SLC8A1: variants seen among roughly 807,000 people sequenced by gnomAD.
The protein encoded by SLC8A1 is sodium/calcium exchanger 1.
In SLC8A1, 18 loss-of-function variants were observed where a neutral mutation model predicts 68.3. That is an observed-to-expected ratio of 0.26 (90% CI 0.18 to 0.39). The LOEUF is 0.39. SLC8A1 is among the 10% of genes least tolerant of loss of function. SLC8A1 has a pLI of 1.00. For synonymous variants in SLC8A1, 475 were observed against 415.5 expected, an observed-to-expected ratio of 1.14 and a Z score of -1.74; for missense variants, 985 against 1,156.7, an observed-to-expected ratio of 0.85 and a Z score of 2.15.
intron 2 of SLC8A1, among the ~76,000 whole-genome samples, chr2:40,272,657 G>A (rs73926147): frequency 0.022 from 3,333 of 152,336 alleles, 131 homozygotes; most frequent in African/African-American, 0.076. Context: ...CACACAGTTC[G>A]AGTTCCCAGG....
At chr2:40,475,522 T>C (rs1704238386) in intron 1 of SLC8A1, among the ~76,000 whole-genome samples, 1 of 152,138 alleles carries the variant, frequency 6.6e-6, no homozygotes, top group South Asian at 2.1e-4. Context: ...ACTGAGGATT[T>C]ATTAAATATT....
intron 2 of SLC8A1, among the ~76,000 whole-genome samples, chr2:40,363,543 T>C (rs1559393602): frequency 6.6e-6 from 1 of 152,138 alleles, no homozygotes; most frequent in Non-Finnish European, 1.5e-5. Flanking sequence ...ATCATTATTA[T>C]TAAATCCCAA....
At chr2:40,287,412 G>T (rs1250697793) in intron 2 of SLC8A1, among the ~76,000 whole-genome samples, 2 of 152,008 alleles carry the variant, frequency 1.3e-5, no homozygotes, top group Non-Finnish European at 2.9e-5. Flanking sequence ...ACTCACAGAA[G>T]CTGACATTAT....
At chr2:40,465,964 T>C (rs1468954475) in intron 1 of SLC8A1, among the ~76,000 whole-genome samples, 3 of 152,126 alleles carry the variant, frequency 2.0e-5, no homozygotes, top group Non-Finnish European at 4.4e-5. Context: ...ACAGTATTTG[T>C]CTTCTCTTGC....
intron 2 of SLC8A1, among the ~76,000 whole-genome samples, chr2:40,364,566 T>A (rs1279649203): frequency 6.6e-6 from 1 of 152,062 alleles, no homozygotes; most frequent in Non-Finnish European, 1.5e-5. Flanking sequence ...TCACATGTCT[T>A]CACAAAATAC....
intron 2 of SLC8A1, among the ~76,000 whole-genome samples, chr2:40,406,175 G>A (rs764399141): frequency 8.5e-5 from 13 of 152,156 alleles, no homozygotes; most frequent in South Asian, 4.2e-4. Flanking sequence ...TTTAAATTCC[G>A]CATTTTCTCA....
At chr2:40,390,721 C>A (rs967249639) in intron 2 of SLC8A1, among the ~76,000 whole-genome samples, 3 of 152,036 alleles carry the variant, frequency 2.0e-5, no homozygotes, top group Non-Finnish European at 4.4e-5. Flanking sequence ...TTTTTAACAA[C>A]CCGATATGTA....
At chr2:40,119,129 T>C (rs985546073) in intron 7 of SLC8A1, among the ~76,000 whole-genome samples, 41 of 152,182 alleles carry the variant, frequency 2.7e-4, no homozygotes. Flanking sequence ...AATGTGAATG[T>C]TGCATAAGGA....
chr2:40,280,934 G>T (rs1193866610), intron 2 of SLC8A1, among the ~76,000 whole-genome samples: 1 of 152,216 alleles, frequency 6.6e-6, no homozygotes, highest in Non-Finnish European at 1.5e-5. Flanking sequence ...TCAGCACGTT[G>T]TCTGTACTTC....
intron 2 of SLC8A1, among the ~76,000 whole-genome samples, chr2:40,287,138 T>A (rs911820767): frequency 6.6e-6 from 1 of 152,156 alleles, no homozygotes; most frequent in South Asian, 2.1e-4. Flanking sequence ...ACTAAAAAAA[T>A]ATGTAAGACT....
intron 7 of SLC8A1, among the ~76,000 whole-genome samples, chr2:40,124,837 A>G (rs1299519701): frequency 6.6e-6 from 1 of 152,266 alleles, no homozygotes; most frequent in Non-Finnish European, 1.5e-5. Context: ...AACATTCATG[A>G]CACACTGCTT....
intron 2 of SLC8A1, among the ~76,000 whole-genome samples, chr2:40,212,090 G>T (rs1351108549): frequency 6.6e-6 from 1 of 151,914 alleles, no homozygotes; most frequent in Non-Finnish European, 1.5e-5. Context: ...AATCCATAAA[G>T]ATTTTATGTA....
At chr2:40,317,462 G>A (rs1184769032) in intron 2 of SLC8A1, among the ~76,000 whole-genome samples, 2 of 152,042 alleles carry the variant, frequency 1.3e-5, no homozygotes, top group African/African-American at 2.4e-5. Flanking sequence ...CTTAAAGCAA[G>A]TTTTATTAGA....
intron 6 of SLC8A1, among the ~76,000 whole-genome samples, chr2:40,155,649 C>A (rs890654036): frequency 6.6e-6 from 1 of 152,140 alleles, no homozygotes; most frequent in African/African-American, 2.4e-5. Flanking sequence ...GGCTGATAGT[C>A]AAGTGAATTA....
At chr2:40,421,735 T>C (rs963669067) in intron 2 of SLC8A1, among the ~76,000 whole-genome samples, 10 of 152,078 alleles carry the variant, frequency 6.6e-5, no homozygotes, top group African/African-American at 2.4e-4. Context: ...AAAGAAACTG[T>C]CATCTACAGC....
chr2:40,142,161 C>G (rs749633314), intron 6 of SLC8A1, among the ~76,000 whole-genome samples: 2 of 152,066 alleles, frequency 1.3e-5, no homozygotes, highest in African/African-American at 2.4e-5. Context: ...TTGTTTGTTT[C>G]CTTATACATT....
chr2:40,300,731 G>A (rs2071301192), intron 2 of SLC8A1, among the ~76,000 whole-genome samples: 1 of 152,118 alleles, frequency 6.6e-6, no homozygotes, highest in South Asian at 2.1e-4. Context: ...CAGGAGCAAA[G>A]TCAGGAAAAG....
intron 2 of SLC8A1, among the ~76,000 whole-genome samples, chr2:40,237,259 G>C (rs1040598680): frequency 6.6e-5 from 10 of 151,976 alleles, no homozygotes; most frequent in African/African-American, 2.4e-4. Flanking sequence ...ACGTAGATTT[G>C]GTCTTTTCAC....
At chr2:40,148,592 A>AT (rs965742243) in intron 6 of SLC8A1, among the ~76,000 whole-genome samples, 5 of 151,940 alleles carry the variant, frequency 3.3e-5, no homozygotes, top group South Asian at 2.1e-4. Flanking sequence ...TTCTGTTGTG[A>AT]TTTTTTAACG....
Sources: allele counts gnomAD v4.1 joint callset (sites outside exome capture counted in the v4.1 genomes callset), GRCh38; gene constraint gnomAD v4.1.1; transcripts MANE v1.5; gene names NCBI Gene and HGNC (gene_info 2026-07-23, HGNC 2026-07-21).